Variants in PCGF6 observed in about 807,000 individuals in gnomAD.
PCGF6 encodes polycomb group RING finger protein 6.
A neutral mutation model predicts 45.5 loss-of-function variants in PCGF6; 24 were observed. The observed-to-expected ratio is 0.53, with a 90% CI of 0.38 to 0.74. The LOEUF is 0.74. Among genes scored for constraint, PCGF6 ranks in the 30% least tolerant of loss-of-function variants. PCGF6 has a pLI of 0.00. For synonymous variants in PCGF6, 152 were observed against 162.1 expected, an observed-to-expected ratio of 0.94 and a Z score of 0.47; for missense variants, 356 against 443.2, an observed-to-expected ratio of 0.80 and a Z score of 1.77.
intron 6 of PCGF6, among the ~76,000 whole-genome samples, chr10:103,343,832 C>CAAAAAAAAAACAAAAAAAAAA (rs2093289786): frequency 3.1e-5 from 1 of 32,476 alleles, no homozygotes; most frequent in African/African-American, 9.4e-5. Context: ...AACTCTGTCT[C>CAAAAAAAAAACAAAAAAAAAA]AAAAAAAAAA....
intron 7 of PCGF6, among the ~76,000 whole-genome samples, chr10:103,329,952 G>T (rs2093233968): frequency 1.3e-5 from 2 of 150,846 alleles, no homozygotes; most frequent in Non-Finnish European, 2.9e-5. Context: ...CTAATTTTTT[G>T]TATTTTTAGT....
intron 8 of PCGF6, among the ~76,000 whole-genome samples, chr10:103,317,254 G>A (rs949544561): frequency 3.3e-5 from 5 of 152,072 alleles, no homozygotes; most frequent in African/African-American, 9.6e-5. Flanking sequence ...TAGGTGATCC[G>A]CCCACCTCAG....
chr10:103,318,892 A>T (rs1289827488), intron 8 of PCGF6, among the ~76,000 whole-genome samples: 5 of 152,218 alleles, frequency 3.3e-5, no homozygotes. Context: ...CAGCTTTGTA[A>T]GCAGGCCCTT....
chr10:103,340,682 A>T (rs1034977930), intron 6 of PCGF6, among the ~76,000 whole-genome samples: 1 of 151,750 alleles, frequency 6.6e-6, no homozygotes, highest in African/African-American at 2.4e-5. Context: ...CTGCAGCCTC[A>T]AACTCCCGGG....
chr10:103,349,811 A>G (rs1463200576), intron 1 of PCGF6, among the ~76,000 whole-genome samples: 1 of 148,674 alleles, frequency 6.7e-6, no homozygotes, highest in African/African-American at 2.5e-5. Context: ...CGCTGGGCGC[A>G]GTGGCTCACG....
At chr10:103,316,954 G>T (rs2093178144) in intron 8 of PCGF6, among the ~76,000 whole-genome samples, 1 of 152,128 alleles carries the variant, frequency 6.6e-6, no homozygotes, top group South Asian at 2.1e-4. Context: ...CTTGCACAGA[G>T]AACTTAGATC....
chr10:103,349,580 A>C (rs1174361481), intron 1 of PCGF6, among the ~76,000 whole-genome samples: 2 of 141,440 alleles, frequency 1.4e-5, no homozygotes, highest in Non-Finnish European at 3.0e-5. Flanking sequence ...TCCCAGATTC[A>C]AGTGATTCTC....
intron 8 of PCGF6, among the ~76,000 whole-genome samples, chr10:103,315,931 A>G (rs1312399062): frequency 1.3e-5 from 2 of 150,332 alleles, no homozygotes; most frequent in African/African-American, 4.9e-5. Context: ...ACTACTTCCT[A>G]TTACCTTAAA....
chr10:103,343,741 G>A (rs2093289224), intron 6 of PCGF6, among the ~76,000 whole-genome samples: 1 of 142,844 alleles, frequency 7.0e-6, no homozygotes, highest in African/African-American at 2.6e-5. Flanking sequence ...GCTGAGGCAG[G>A]AGAATCCCCT....
chr10:103,349,906 C>A (rs1277324239), intron 1 of PCGF6, among the ~76,000 whole-genome samples: 3 of 151,246 alleles, frequency 2.0e-5, no homozygotes, highest in African/African-American at 7.3e-5. Context: ...CACGGTGAAA[C>A]CCCGTCTCTA....
At chr10:103,329,428 A>T (rs1014566650) in intron 7 of PCGF6, among the ~76,000 whole-genome samples, 12 of 152,186 alleles carry the variant, frequency 7.9e-5, no homozygotes, top group Non-Finnish European at 1.3e-4. Context: ...GATTTCATGA[A>T]AAAAATATAA....
intron 8 of PCGF6, among the ~76,000 whole-genome samples, chr10:103,324,026 G>A (rs1274873098): frequency 2.6e-5 from 4 of 151,212 alleles, no homozygotes; most frequent in South Asian, 2.1e-4. Flanking sequence ...TGCAACCTCC[G>A]TCTCCCAGGT....
At position 103,311,981 on chromosome 10, in the gene PCGF6, C is replaced by A. The variant is rs1046272720; in HGVS notation, c.996+2205G>T. Among the ~76,000 whole-genome samples the A allele has an allele frequency of 1.3e-4, 20 of 148,266 alleles. No individual in the cohort carries two copies. The South Asian group carries it at 3.2e-3, about 24-fold the overall frequency. On this transcript the variant is annotated intron_variant, in intron 9 of 9. Coordinates refer to ENST00000369847, the MANE Select transcript of PCGF6 (RefSeq NM_001011663.2). ...GACACCTATAGTCCCAGCTACTTGG[C>A]AGGCTGAGGTACTAGAATCACTTGA...
intron 6 of PCGF6, among the ~76,000 whole-genome samples, chr10:103,336,517 G>A (rs953037008): frequency 1.3e-5 from 2 of 152,120 alleles, no homozygotes; most frequent in Admixed American, 1.3e-4. Context: ...GCTTCTACCT[G>A]AATATCTAAA....
rs2093125459 is a variant in PCGF6, at chr10:103,303,223, T to C, written c.*682A>G. ...ATAAAATGAATGTCAGAAATAAAAATACTGTCACAAAGAAGCACCCCTTAT... is the reference window on the plus strand; with the variant it reads ...ATAAAATGAATGTCAGAAATAAAAACACTGTCACAAAGAAGCACCCCTTAT... On this transcript the variant is annotated 3_prime_UTR_variant, in exon 10 of 10. Transcript: ENST00000369847. 2 of 152,572 alleles carry C rather than the reference T, an allele frequency of 1.3e-5. No homozygotes were observed. Among genetic ancestry groups the C allele is most frequent in the Middle Eastern group, 3.2e-3 (1 of 316 alleles). The allele number at this position is 152,572 out of a possible 1,614,324, so 9.5% of individuals were successfully genotyped here. A position where few individuals can be genotyped will look rare whatever the true frequency, so the allele number is the denominator to read the frequency against.
At chr10:103,349,792 G>A (rs938626095) in intron 1 of PCGF6, among the ~76,000 whole-genome samples, 8 of 150,082 alleles carry the variant, frequency 5.3e-5, no homozygotes. Context: ...TGTTTCAAAA[G>A]GATCTTTACG....
chr10:103,330,216 C>T (rs2093235108), intron 7 of PCGF6, among the ~76,000 whole-genome samples: 1 of 151,998 alleles, frequency 6.6e-6, no homozygotes, highest in Admixed American at 6.6e-5. Context: ...CCTGGGATTA[C>T]AGGCATGCAT....
At chr10:103,332,942 C>A (rs1037845580) in intron 7 of PCGF6, among the ~76,000 whole-genome samples, 2 of 151,940 alleles carry the variant, frequency 1.3e-5, no homozygotes, top group African/African-American at 4.8e-5. Flanking sequence ...TGGTGAAACA[C>A]CGTCTCTACT....
At chr10:103,349,558 G>A (rs1179918759) in intron 1 of PCGF6, among the ~76,000 whole-genome samples, 1 of 128,352 alleles carries the variant, frequency 7.8e-6, no homozygotes, top group Non-Finnish European at 1.6e-5. Context: ...TCGGCTCACT[G>A]CAACCTCCGC....
Sources: gnomAD v4.1 joint callset for allele counts (sites outside exome capture counted in the v4.1 genomes callset) on GRCh38, gnomAD v4.1.1 for gene constraint, MANE v1.5 for transcripts, NCBI Gene and HGNC (gene_info 2026-07-23, HGNC 2026-07-21) for gene names.